Variants in CTCFL observed in about 807,000 individuals in gnomAD.
The protein encoded by CTCFL is transcriptional repressor CTCFL.
A neutral mutation model predicts 67.4 loss-of-function variants in CTCFL; 36 were observed. The ratio of observed to expected loss-of-function variants is 0.53; its 90% confidence interval spans 0.41 to 0.71. CTCFL has a LOEUF of 0.71. Among genes scored for constraint, CTCFL ranks in the 30% least tolerant of loss-of-function variants. The pLI is 0.00. For missense variants in CTCFL, 786 were observed against 835.2 expected, an observed-to-expected ratio of 0.94 and a Z score of 0.73; for synonymous variants, 324 against 302.3, an observed-to-expected ratio of 1.07 and a Z score of -0.75.
At chr20:57,499,100 T>C (rs969297961) in intron 10 of CTCFL, among the ~76,000 whole-genome samples, 4 of 138,400 alleles carry the variant, frequency 2.9e-5, no homozygotes, top group African/African-American at 1.0e-4. Context: ...GGGGACACAG[T>C]CATTCCCAGC....
In CTCFL at chr20:57,524,834, C is replaced by T. The variant is rs376950001; in HGVS notation, c.-12+194G>A. ...GCCCTCGGCCAGACCAAGCACACTC[C>T]CTCGGAGGCCTGGCAGGGCCCCTGC... On this transcript the variant is annotated intron_variant, in intron 1 of 10. Transcript: ENST00000243914. 41 of 849,286 alleles carry T rather than the reference C, an allele frequency of 4.8e-5. 1 individual carries two copies. The highest frequency in any genetic ancestry group is 4.8e-4 in the African/African-American group (26 of 54,588). 52.6% of individuals were successfully genotyped at this position (849,286 alleles called of 1,614,324 possible).
chr20:57,519,072 A>C lies in CTCFL; in HGVS notation c.925+135T>G, dbSNP rs548841606. 6 of 1,208,900 alleles carry C rather than the reference A, an allele frequency of 5.0e-6. No individual in the cohort carries two copies. In the African/African-American group the frequency reaches 9.2e-5, roughly 19 times the overall value. 74.9% of individuals were successfully genotyped at this position (1,208,900 alleles called of 1,614,324 possible). A position where few individuals can be genotyped will look rare whatever the true frequency, so the allele number is the denominator to read the frequency against. The stretch of plus-strand genomic sequence containing the variant: ...ATCTTTGTAACAGTATTTTTAATGG[A>C]AATTCAAGAAAAAGAAGACAAAACT... On this transcript the variant is annotated intron_variant, in intron 4 of 10. Transcript: ENST00000243914.
rs2068356062 is a variant in CTCFL, at chr20:57,508,606, C to G, written c.1674G>C (p.Trp558Cys). The G allele has an allele frequency of 6.2e-7, 1 of 1,613,814 alleles. No individual in the cohort carries two copies. Among genetic ancestry groups the G allele is most frequent in the Non-Finnish European group, 8.5e-7 (1 of 1,179,808 alleles). ...TTTACTGTGACTTAAGTAAGCTTAC[C>G]CAGCGGGAAAAGCCTTTGCCACACT... The part of the protein sequence containing the change: ...CSKCGKGFSR[W>C]INLHRHSEKC... The change falls in exon 9 of 11, where the codon TGG (tryptophan) becomes TGC (cysteine). Residue 558 changes from tryptophan to cysteine, a missense_variant and splice_region_variant. By Grantham distance (215) the Trp-to-Cys change is radical. Around this residue, in one of 3 missense-constraint regions of CTCFL, gnomAD observed 199 missense variants for 196.7 expected, o/e 1.01. Coordinates refer to ENST00000243914, the MANE Select transcript of CTCFL (RefSeq NM_001386993.1).
chr20:57,522,171 C>G (rs1403481558), intron 3 of CTCFL, among the ~76,000 whole-genome samples: 1 of 152,114 alleles, frequency 6.6e-6, no homozygotes, highest in Non-Finnish European at 1.5e-5. Flanking sequence ...AAGTGAAGGG[C>G]CCTGACCACA....
At chr20:57,522,255 A>T (rs971001172) in intron 3 of CTCFL, among the ~76,000 whole-genome samples, 1 of 152,242 alleles carries the variant, frequency 6.6e-6, no homozygotes, top group African/African-American at 2.4e-5. Context: ...TTCCAATCCC[A>T]GGCACCTGAT....
intron 10 of CTCFL, among the ~76,000 whole-genome samples, chr20:57,502,181 C>A (rs73915847): frequency 0.015 from 2,294 of 152,270 alleles, 57 homozygotes; most frequent in African/African-American, 0.053. Context: ...AGGCCGGGGG[C>A]ACACCCAGGC....
At position 57,498,258 on chromosome 20, in the gene CTCFL, G is replaced by A; in HGVS notation, c.*292C>T. 9.5e-7 allele frequency: 1 copy of A among 1,057,560 alleles called. No homozygotes were observed. The allele number at this position is 1,057,560 out of a possible 1,614,324, so 65.5% of individuals were successfully genotyped here. A position where few individuals can be genotyped will look rare whatever the true frequency, so the allele number is the denominator to read the frequency against. ...TTGAGGTGTTACCCTCTCATTCAAGGTTTAAAACTTTTATAAAATACCTGC... is the reference window on the plus strand; with the variant it reads ...TTGAGGTGTTACCCTCTCATTCAAGATTTAAAACTTTTATAAAATACCTGC... On this transcript the variant is annotated 3_prime_UTR_variant, in exon 11 of 11. Coordinates refer to ENST00000243914, the MANE Select transcript of CTCFL (RefSeq NM_001386993.1).
intron 3 of CTCFL, among the ~76,000 whole-genome samples, chr20:57,521,724 T>A (rs1041799182): frequency 1.3e-5 from 2 of 152,200 alleles, no homozygotes; most frequent in Non-Finnish European, 2.9e-5. Flanking sequence ...CATACAGGGA[T>A]TATTACTTAG....
At chr20:57,509,074 A>G (rs2068388800) in intron 8 of CTCFL, among the ~76,000 whole-genome samples, 1 of 152,172 alleles carries the variant, frequency 6.6e-6, no homozygotes, top group Non-Finnish European at 1.5e-5. Context: ...AGGGCGTGAA[A>G]GGATGGTCCT....
At chr20:57,504,920 A>G (rs945277286) in intron 9 of CTCFL, among the ~76,000 whole-genome samples, 1 of 151,978 alleles carries the variant, frequency 6.6e-6, no homozygotes, top group African/African-American at 2.4e-5. Flanking sequence ...GCGCTGATTT[A>G]TAATTTTGTC....
intron 3 of CTCFL, among the ~76,000 whole-genome samples, chr20:57,521,867 A>C (rs1396097696): frequency 1.3e-5 from 2 of 152,244 alleles, no homozygotes; most frequent in Non-Finnish European, 2.9e-5. Flanking sequence ...GAAAATGTCC[A>C]GAACAGGAAA....
Position 57,497,239 on chromosome 20 carries a change from C to A in CTCFL, c.*1311G>T. 1 of 969,362 alleles carries A rather than the reference C, an allele frequency of 1.0e-6. No individual in the cohort carries two copies. Among genetic ancestry groups the A allele is most frequent in the Non-Finnish European group, 1.2e-6 (1 of 815,460 alleles). The allele number at this position is 969,362 out of a possible 1,614,324, so 60.0% of individuals were successfully genotyped here. A position where few individuals can be genotyped will look rare whatever the true frequency, so the allele number is the denominator to read the frequency against. On this transcript the variant is annotated 3_prime_UTR_variant, in exon 11 of 11. Coordinates refer to ENST00000243914, the MANE Select transcript of CTCFL (RefSeq NM_001386993.1). ...AAATAACAGTAAAAAAATTAAGAAA[C>A]CATTGCACAAATTCAGTCACAATGA...
In CTCFL at chr20:57,519,268, G is replaced by T. The variant is rs141446239; in HGVS notation, c.864C>A (p.His288Gln). The change falls in exon 4 of 11, where the codon CAC becomes CAA. Residue 288 changes from histidine to glutamine, a missense_variant. Around this residue, in one of 3 missense-constraint regions of CTCFL, gnomAD observed 254 missense variants for 333.9 expected, o/e 0.76. Transcript: ENST00000243914. Reference sequence around the variant, plus strand: ...CCGTACGGAAGGTTTTCAGGCAGAGGTGACACAGGTGAGGCTTCTCACTGG... The same window carrying T: ...CCGTACGGAAGGTTTTCAGGCAGAGTTGACACAGGTGAGGCTTCTCACTGG... ...THTSEKPHLCHLCLKTFRTVT... is the reference protein window; with the variant it reads ...THTSEKPHLCQLCLKTFRTVT... 2 of 1,614,146 alleles carry T rather than the reference G, an allele frequency of 1.2e-6. No homozygotes were observed. Among genetic ancestry groups the T allele is most frequent in the Non-Finnish European group, 1.7e-6 (2 of 1,180,034 alleles).
At chr20:57,504,183 A>G (rs1600641002) in intron 9 of CTCFL, among the ~76,000 whole-genome samples, 1 of 151,524 alleles carries the variant, frequency 6.6e-6, no homozygotes, top group South Asian at 2.1e-4. Flanking sequence ...TCACCGTGTT[A>G]GCCAGGATGG....
intron 1 of CTCFL, chr20:57,524,562 A>C (rs2069706225): frequency 2.8e-6 from 3 of 1,057,668 alleles, no homozygotes; most frequent in African/African-American, 1.7e-5. Flanking sequence ...GTTAGGCCTG[A>C]GCCGGTTCAG....
intron 6 of CTCFL, chr20:57,515,205 C>T (rs776206931): frequency 5.5e-5 from 9 of 163,756 alleles, no homozygotes; most frequent in East Asian, 1.8e-4. Context: ...AGTGTAGTGG[C>T]GCAATCCCGG....
At chr20:57,499,157 G>A (rs1002631252) in intron 10 of CTCFL, among the ~76,000 whole-genome samples, 6 of 149,608 alleles carry the variant, frequency 4.0e-5, no homozygotes, top group African/African-American at 9.7e-5. Context: ...GATTTATATC[G>A]AGGCGGATCT....
In CTCFL at chr20:57,523,870, C is replaced by T; in HGVS notation, c.336G>A (p.Val112=). Residue 112 remains valine (V), a synonymous_variant, in exon 2 of 11, where the codon GTG becomes GTA. Transcript: ENST00000243914. ...IQQQEGVQVV[V]QQPGPGLLWL... ...ACAGCAACCCAGGGCCAGGCTGTTGCACCACCACCTGCACCCCTTCTTGCT... is the reference window on the plus strand; with the variant it reads ...ACAGCAACCCAGGGCCAGGCTGTTGTACCACCACCTGCACCCCTTCTTGCT... The T allele has an allele frequency of 6.2e-6, 10 of 1,613,234 alleles. No individual in the cohort carries two copies. The highest frequency in any genetic ancestry group is 8.5e-6 in the Non-Finnish European group (10 of 1,180,040).
chr20:57,518,188 T>C (rs1380224119), intron 5 of CTCFL, among the ~76,000 whole-genome samples: 1 of 152,258 alleles, frequency 6.6e-6, no homozygotes, highest in Non-Finnish European at 1.5e-5. Context: ...AAACTGGTAC[T>C]GACTAGTAAA....
Sources: gnomAD v4.1 joint callset for allele counts (sites outside exome capture counted in the v4.1 genomes callset) on GRCh38, gnomAD v4.1.1 for gene constraint, gnomAD v4.1.1 regional missense constraint, MANE v1.5 for transcripts, NCBI Gene and HGNC (gene_info 2026-07-23, HGNC 2026-07-21) for gene names.